Variants in PBRM1 observed in about 807,000 individuals in gnomAD.
PBRM1 encodes the protein protein polybromo-1.
In PBRM1, 27 loss-of-function variants were observed where a neutral mutation model predicts 194.5. That is an observed-to-expected ratio of 0.14 (90% confidence interval 0.10 to 0.19). The LOEUF (loss-of-function observed/expected upper bound fraction) is 0.19. PBRM1 is among the 10% of genes least tolerant of loss of function. The probability of loss-of-function intolerance (pLI) is 1.00; values close to 1 mark genes in which losing one functional copy is unlikely to be tolerated. For missense variants in PBRM1, 1,466 were observed against 2,077.2 expected, an observed-to-expected ratio of 0.71 and a Z score of 5.72; for synonymous variants, 655 against 693.2, an observed-to-expected ratio of 0.94 and a Z score of 0.87.
intron 17 of PBRM1, among the ~76,000 whole-genome samples, chr3:52,600,130 C>T (rs1281965714): frequency 1.3e-5 from 2 of 152,044 alleles, no homozygotes; most frequent in South Asian, 4.1e-4. Flanking sequence ...GGTAACCATC[C>T]TTTCTATGTG....
At chr3:52,596,838 T>A (rs761673140) in intron 17 of PBRM1, among the ~76,000 whole-genome samples, 3 of 152,148 alleles carry the variant, frequency 2.0e-5, no homozygotes, top group African/African-American at 7.2e-5. Flanking sequence ...ACCCTGCTGG[T>A]GTCTCACATG....
intron 10 of PBRM1, among the ~76,000 whole-genome samples, chr3:52,636,148 G>C (rs963554798): frequency 6.6e-6 from 1 of 151,910 alleles, no homozygotes; most frequent in African/African-American, 2.4e-5. Flanking sequence ...TGGGATTACA[G>C]GCGTGAGCCA....
At chr3:52,684,167 CAAAAAAAAAAAAAAAA>C (rs66702174), upstream of PBRM1, among the ~76,000 whole-genome samples, 4 of 75,718 alleles carry the variant, frequency 5.3e-5, no homozygotes, top group Middle Eastern at 8.5e-3. Flanking sequence ...GACCTTGTCT[CAAAAAAAAAAAAAAAA>C]AAAAAAAAAA....
At chr3:52,568,505 T>C (rs1431002340) in intron 22 of PBRM1, among the ~76,000 whole-genome samples, 4 of 152,242 alleles carry the variant, frequency 2.6e-5, no homozygotes, top group African/African-American at 9.6e-5. Context: ...AGTATTTTAT[T>C]GTATGAGTTC....
chr3:52,638,557 C>T (rs1241538905), intron 10 of PBRM1, among the ~76,000 whole-genome samples: 1 of 151,530 alleles, frequency 6.6e-6, no homozygotes, highest in Non-Finnish European at 1.5e-5. Context: ...CGGGGATTCA[C>T]CATGTTGGTC....
At chr3:52,640,886 C>A (rs1256741631) in intron 10 of PBRM1, among the ~76,000 whole-genome samples, 1 of 151,708 alleles carries the variant, frequency 6.6e-6, no homozygotes, top group Admixed American at 6.6e-5. Context: ...TGATCCACCC[C>A]CCTCAGCCTC....
chr3:52,648,480 G>T (rs2096391960), intron 6 of PBRM1, 38 bp from the exon 8 acceptor site: 2 of 1,112,654 alleles, frequency 1.8e-6, no homozygotes, highest in Non-Finnish European at 2.7e-6. Context: ...TCCTTTTAAT[G>T]AGAGTTCATC....
At chr3:52,658,145 G>A in intron 5 of PBRM1, 54 bp downstream of exon 6, 1 of 835,756 alleles carries the variant, frequency 1.2e-6, no homozygotes, top group Non-Finnish European at 2.1e-6. Context: ...TACAATTCTT[G>A]AAGTACTAAA....
intron 13 of PBRM1, among the ~76,000 whole-genome samples, chr3:52,622,585 C>T (rs559113079): frequency 1.3e-4 from 20 of 152,310 alleles, no homozygotes; most frequent in African/African-American, 4.8e-4. Flanking sequence ...TATTCTGAAT[C>T]CCTGATGTGT....
chr3:52,606,787 T>C (rs1320101204), intron 16 of PBRM1, among the ~76,000 whole-genome samples: 1 of 152,222 alleles, frequency 6.6e-6, no homozygotes, highest in African/African-American at 2.4e-5. Flanking sequence ...CTCTTTTACC[T>C]GCAAGGGGAT....
At chr3:52,630,092 G>C (rs768557091) in intron 11 of PBRM1, among the ~76,000 whole-genome samples, 9 of 152,160 alleles carry the variant, frequency 5.9e-5, no homozygotes, top group Non-Finnish European at 1.2e-4. Context: ...TCAAAGGGTA[G>C]AGGGCTAGAT....
In PBRM1 at chr3:52,601,366, T is replaced by C. The variant is rs184806238; in HGVS notation, c.2779+2155A>G. The stretch of plus-strand genomic sequence containing the variant: ...GGTAAGAGATGAGGGTTGGGTGGGA[T>C]GGTTTCAGGATGAAACTGTTCCATC... On this transcript the variant is annotated intron_variant, in intron 17 of 29. Transcript: ENST00000296302. Among the ~76,000 whole-genome samples, 562 of 152,294 alleles carry C rather than the reference T, an allele frequency of 3.7e-3. 3 individuals are homozygous for C. Among genetic ancestry groups the C allele is most frequent in the South Asian group, 0.015 (70 of 4,822 alleles).
chr3:52,639,678 G>A (rs2095993419), intron 10 of PBRM1, among the ~76,000 whole-genome samples: 1 of 152,040 alleles, frequency 6.6e-6, no homozygotes, highest in Non-Finnish European at 1.5e-5. Context: ...GTTGTAGGGA[G>A]CCAAGATCAC....
chr3:52,624,900 G>A (rs889750256), intron 13 of PBRM1: 1 of 1,542,160 alleles, frequency 6.5e-7, no homozygotes, highest in African/African-American at 1.4e-5. Context: ...TGCACACCTG[G>A]ATAGCCTCCT....
At chr3:52,589,858 C>T (rs1053404172) in intron 17 of PBRM1, among the ~76,000 whole-genome samples, 5 of 151,954 alleles carry the variant, frequency 3.3e-5, no homozygotes, top group Admixed American at 6.6e-5. Context: ...GACGGAGTTT[C>T]GCTCTTGTTG....
chr3:52,672,491 C>CTT (rs34792299), intron 2 of PBRM1, among the ~76,000 whole-genome samples: 85 of 103,844 alleles, frequency 8.2e-4, no homozygotes, highest in African/African-American at 1.5e-3. Context: ...TTTTTTTTGG[C>CTT]TTTTTTTTTT....
chr3:52,638,515 T>C (rs11719514), intron 10 of PBRM1, among the ~76,000 whole-genome samples: 50,157 of 151,810 alleles, frequency 0.33, 9,468 homozygotes, highest in Admixed American at 0.46. Flanking sequence ...TGCACCACCA[T>C]GCCTGGCTAA....
intron 3 of PBRM1, among the ~76,000 whole-genome samples, chr3:52,663,008 T>C (rs1016740701): frequency 5.3e-5 from 8 of 152,136 alleles, no homozygotes; most frequent in African/African-American, 1.9e-4. Flanking sequence ...TCATGAAGTA[T>C]AGTGGGCATA....
At chr3:52,605,604 T>TC (rs1491529171) in intron 16 of PBRM1, among the ~76,000 whole-genome samples, 6 of 124,080 alleles carry the variant, frequency 4.8e-5, no homozygotes, top group African/African-American at 1.1e-4. Context: ...GGAAAGTCTC[T>TC]TTTTTTTTTT....
Sources: gnomAD v4.1 joint callset for allele counts (sites outside exome capture counted in the v4.1 genomes callset) on GRCh38, gnomAD v4.1.1 for gene constraint, MANE v1.5 for transcripts, NCBI Gene and HGNC (gene_info 2026-07-23, HGNC 2026-07-21) for gene names.